BCAS2: variants seen among roughly 807,000 people sequenced by gnomAD.
The protein encoded by BCAS2 is pre-mRNA-splicing factor SPF27.
Under a neutral mutation model 35.3 loss-of-function variants are expected in BCAS2, and 34 were observed. The ratio of observed to expected loss-of-function variants is 0.96; its 90% CI spans 0.73 to 1.28. The LOEUF (loss-of-function observed/expected upper bound fraction) is 1.28. BCAS2 is among the 50% of genes most tolerant of loss of function. The pLI is 0.00. For synonymous variants in BCAS2, 75 were observed against 91.6 expected (o/e 0.82, Z 1.03); for missense variants, 221 against 268.1 (o/e 0.82, Z 1.23).
At chr1:114,577,425 C>T (rs1020330141) in intron 2 of BCAS2, among the ~76,000 whole-genome samples, 5 of 151,958 alleles carry the variant, frequency 3.3e-5, no homozygotes, top group East Asian at 1.9e-4. Context: ...CAGGCTGGAG[C>T]GCAATGGCGC....
At chr1:114,573,708 G>A (rs115874135) in intron 4 of BCAS2, among the ~76,000 whole-genome samples, 1,869 of 152,156 alleles carry the variant, frequency 0.012, 28 homozygotes, top group Middle Eastern at 0.054. Flanking sequence ...TATTGATGTC[G>A]CTTACATTTC....
Position 114,581,518 on chromosome 1 carries a change from G to T in BCAS2, c.74C>A (p.Ala25Asp). ...ACTCACCGCTTCCCGCACACCAGGG[G>T]CTTCATAACCTTGATCAAAATACGG... The part of the protein sequence containing the change: ...ALPYFDQGYE[A>D]PGVREAAAAL... The change falls in exon 1 of 7, where the codon GCC becomes GAC. Residue 25 changes from alanine (A) to aspartate (D), a missense_variant. Ala to Asp is a moderately radical substitution (Grantham distance 126, BLOSUM62 -2). Coordinates refer to ENST00000369541, the MANE Select transcript of BCAS2 (RefSeq NM_005872.3). 1 of 1,614,116 alleles carries T rather than the reference G, an allele frequency of 6.2e-7. No homozygotes were observed. The highest frequency in any genetic ancestry group is 2.2e-5 in the East Asian group (1 of 44,872).
intron 4 of BCAS2, among the ~76,000 whole-genome samples, chr1:114,573,609 A>G (rs1036061132): frequency 5.9e-5 from 9 of 152,200 alleles, no homozygotes; most frequent in African/African-American, 2.2e-4. Context: ...AAAATGGACT[A>G]TTGGTTACTT....
intron 4 of BCAS2, among the ~76,000 whole-genome samples, chr1:114,574,071 T>G (rs575708839): frequency 6.6e-6 from 1 of 152,326 alleles, no homozygotes; most frequent in East Asian, 1.9e-4. Context: ...CACGGAATTT[T>G]GCAAGCAAGG....
rs764931314 is a variant in BCAS2, at chr1:114,581,570, C to T, written c.22G>A (p.Ala8Thr). Residue 8 changes from alanine to threonine, a missense_variant, in exon 1 of 7, where the codon GCT becomes ACT. Transcript: ENST00000369541. ...AGCGCATCCACCACAACCTCTCCAG[C>T]CACCAAACCTGTGCCCGCCATTCTG... MAGTGLV[A>T]GEVVVDALPY... The T allele has an allele frequency of 1.2e-5, 19 of 1,612,630 alleles. No individual in the cohort carries two copies. In the South Asian group the frequency reaches 1.4e-4, roughly 12 times the overall value.
At chr1:114,573,363 A>AGACTACAAT (rs1329208666) in intron 4 of BCAS2, among the ~76,000 whole-genome samples, 1 of 151,162 alleles carries the variant, frequency 6.6e-6, no homozygotes, top group East Asian at 1.9e-4. Flanking sequence ...TTTTTGAAAC[A>AGACTACAAT]GACTACAAGT....
intron 4 of BCAS2, among the ~76,000 whole-genome samples, chr1:114,571,955 A>G (rs1654657513): frequency 6.6e-6 from 1 of 152,260 alleles, no homozygotes; most frequent in African/African-American, 2.4e-5. Context: ...AGAGTACCAT[A>G]TAATTATTTT....
chr1:114,574,746 T>C (rs540495188), intron 4 of BCAS2, among the ~76,000 whole-genome samples: 8 of 152,348 alleles, frequency 5.3e-5, no homozygotes, highest in African/African-American at 1.9e-4. Context: ...TTAGTACTCT[T>C]GAACTTTGAG....
At position 114,569,997 on chromosome 1, in the gene BCAS2, C is replaced by A. The variant is rs946032797; in HGVS notation, c.546G>T (p.Glu182Asp). 6.2e-7 allele frequency: 1 copy of A among 1,603,310 alleles called. No homozygotes were observed. The stretch of plus-strand genomic sequence containing the variant: ...ATGGAATTATAGATACTCACTTTGA[C>A]TCCATTTCTCTCAATTTAGATCCAG... ...LTAGSKLREM[E>D]SNWVSLVSKN... Residue 182 changes from glutamate (E) to aspartate (D), a missense_variant, in exon 6 of 7, where the codon GAG becomes GAT. Transcript: ENST00000369541.
In BCAS2 at chr1:114,568,016, A is replaced by T; in HGVS notation, c.*114T>A. 2 of 1,383,684 alleles carry T rather than the reference A, an allele frequency of 1.4e-6. No individual in the cohort carries two copies. The highest frequency in any genetic ancestry group is 2.0e-6 in the Non-Finnish European group (2 of 1,005,270). 85.7% of individuals were successfully genotyped at this position (1,383,684 alleles called of 1,614,324 possible). A position where few individuals can be genotyped will look rare whatever the true frequency, so the allele number is the denominator to read the frequency against. ...GCAGCCTACACCTTCTATGATTTCT[A>T]AACACTTAAACATCAATGGTTTTGG... On this transcript the variant is annotated 3_prime_UTR_variant, in exon 7 of 7. Transcript: ENST00000369541.
rs530377728 is a variant in BCAS2 at position 114,568,846 on chromosome 1, T to C, written c.552-590A>G. On this transcript the variant is annotated intron_variant, in intron 6 of 6. Coordinates refer to ENST00000369541, the MANE Select transcript of BCAS2 (RefSeq NM_005872.3). ...GTGGTGTGATCACAGCTCACTAGCCTGGAACTCCTGAGCTCAAGCAATCCT... is the reference window on the plus strand; with the variant it reads ...GTGGTGTGATCACAGCTCACTAGCCCGGAACTCCTGAGCTCAAGCAATCCT... 2.5e-4 allele frequency among the ~76,000 whole-genome samples: 37 copies of C among 148,162 alleles called. No individual in the cohort carries two copies. In the South Asian group the frequency reaches 6.7e-3, roughly 27 times the overall value.
chr1:114,575,571 T>C lies in BCAS2; in HGVS notation c.419+19A>G, dbSNP rs1450291833. The C allele has an allele frequency of 2.6e-6, 4 of 1,564,006 alleles. No homozygotes were observed. The highest frequency in any genetic ancestry group is 3.4e-6 in the Non-Finnish European group (4 of 1,162,598). On this transcript the variant is annotated intron_variant, in intron 4 of 6. Transcript: ENST00000369541. ...GAGAAAAAACAAAAAAAACAGAAGATGAAGAAAAAGGTTCTTACTCATTGT... is the reference window on the plus strand; with the variant it reads ...GAGAAAAAACAAAAAAAACAGAAGACGAAGAAAAAGGTTCTTACTCATTGT...
chr1:114,578,705 A>C (rs1654824634), intron 2 of BCAS2, among the ~76,000 whole-genome samples: 1 of 152,152 alleles, frequency 6.6e-6, no homozygotes, highest in African/African-American at 2.4e-5. Context: ...TGTCTGTCTC[A>C]ACACTCTAGA....
intron 4 of BCAS2, among the ~76,000 whole-genome samples, chr1:114,573,533 C>T (rs138597595): frequency 3.2e-4 from 48 of 152,226 alleles, no homozygotes; most frequent in African/African-American, 1.1e-3. Flanking sequence ...CCTGGCAATG[C>T]CCCATCTCTT....
chr1:114,580,465 T>C (rs1654860296), intron 2 of BCAS2, among the ~76,000 whole-genome samples: 2 of 152,354 alleles, frequency 1.3e-5, no homozygotes, highest in South Asian at 4.1e-4. Context: ...TAGGCAATCA[T>C]GGACACTCCC....
At chr1:114,577,374 T>TTA (rs1268158675) in intron 2 of BCAS2, among the ~76,000 whole-genome samples, 17 of 97,624 alleles carry the variant, frequency 1.7e-4, no homozygotes, top group Non-Finnish European at 3.3e-4. Flanking sequence ...TATTTATTTA[T>TTA]TTATTTTTTT....
At chr1:114,574,855 C>G (rs1220129135) in intron 4 of BCAS2, among the ~76,000 whole-genome samples, 1 of 152,048 alleles carries the variant, frequency 6.6e-6, no homozygotes, top group Non-Finnish European at 1.5e-5. Flanking sequence ...CTTCCCCTAC[C>G]CATACTTTGT....
chr1:114,573,301 T>A (rs1276697402), intron 4 of BCAS2, among the ~76,000 whole-genome samples: 1 of 151,208 alleles, frequency 6.6e-6, no homozygotes, highest in Non-Finnish European at 1.5e-5. Flanking sequence ...ACATCCCAAT[T>A]TCACCTTTCT....
intron 4 of BCAS2, among the ~76,000 whole-genome samples, chr1:114,574,941 C>T (rs1281741623): frequency 6.6e-6 from 1 of 152,004 alleles, no homozygotes; most frequent in Non-Finnish European, 1.5e-5. Context: ...ACAATCTCAG[C>T]TCATTGCAAC....
Sources: gnomAD v4.1 joint callset for allele counts (sites outside exome capture counted in the v4.1 genomes callset) on GRCh38, gnomAD v4.1.1 for gene constraint, MANE v1.5 for transcripts, NCBI Gene and HGNC (gene_info 2026-07-23, HGNC 2026-07-21) for gene names.